DNAH3: variants seen among roughly 807,000 people sequenced by gnomAD.
DNAH3 encodes the protein axonemal beta dynein heavy chain 3.
DNAH3 carries 332 observed loss-of-function variants against 432.5 expected under a neutral mutation model. That is an observed-to-expected ratio of 0.77 (90% CI 0.70 to 0.84). The LOEUF is 0.84. Among genes scored for constraint, DNAH3 ranks in the 40% least tolerant of loss-of-function variants. The pLI is 0.00. For missense variants in DNAH3, 4,861 were observed against 5,114.0 expected (o/e 0.95, Z 1.51); for synonymous variants, 1,956 against 1,900.2 (o/e 1.03, Z -0.76).
At chr16:21,002,444 G>GTTGTTATTATTA (rs1379704010) in intron 42 of DNAH3, among the ~76,000 whole-genome samples, 50 of 146,896 alleles carry the variant, frequency 3.4e-4, no homozygotes, top group African/African-American at 1.2e-3. Context: ...ATCTGGTGTT[G>GTTGTTATTATTA]TTATTATTAT....
intron 53 of DNAH3, among the ~76,000 whole-genome samples, chr16:20,961,597 G>C (rs1325220566): frequency 1.3e-5 from 2 of 151,868 alleles, no homozygotes; most frequent in Non-Finnish European, 2.9e-5. Context: ...ATATCCTTAT[G>C]AGAAGAGGAG....
At chr16:21,102,641 T>C (rs1479521954) in intron 16 of DNAH3, among the ~76,000 whole-genome samples, 1 of 152,020 alleles carries the variant, frequency 6.6e-6, no homozygotes, top group Non-Finnish European at 1.5e-5. Flanking sequence ...AAAAAGTGAT[T>C]TTGCCACCCA....
At chr16:21,031,248 T>C (rs766735017) in exon 37 of DNAH3, 1 of 1,614,160 alleles carries the variant, frequency 6.2e-7, no homozygotes, top group Admixed American at 1.7e-5. Flanking sequence ...TTGGGGTTGA[T>C]GATCTTGTAC....
chr16:21,004,517 G>A (rs376052570), intron 41 of DNAH3, among the ~76,000 whole-genome samples: 5 of 152,084 alleles, frequency 3.3e-5, no homozygotes, highest in East Asian at 3.9e-4. Context: ...ACAGGCACTC[G>A]CCACCACGCC....
intron 53 of DNAH3, among the ~76,000 whole-genome samples, chr16:20,959,653 AC>A (rs2084731747): frequency 7.1e-6 from 1 of 141,788 alleles, no homozygotes; most frequent in East Asian, 2.1e-4. Context: ...ACACACACAC[AC>A]ACCCCAACAC....
chr16:20,984,863 T>TA (rs138067386), intron 48 of DNAH3, among the ~76,000 whole-genome samples, 186 bp downstream of exon 48: 63 of 149,850 alleles, frequency 4.2e-4, no homozygotes, highest in East Asian at 1.4e-3. Flanking sequence ...AGACTGTCTT[T>TA]AAAAAAAAAA....
intron 41 of DNAH3, among the ~76,000 whole-genome samples, chr16:21,011,140 G>A (rs1218199689): frequency 6.6e-6 from 1 of 152,054 alleles, no homozygotes; most frequent in Non-Finnish European, 1.5e-5. Context: ...CTCTCTAGCT[G>A]CAGAAGGAAA....
rs147344203 is a variant in DNAH3, at chr16:21,149,990, C to T, written c.118-3902G>A. 9.4e-4 allele frequency among the ~76,000 whole-genome samples: 143 copies of T among 152,234 alleles called. 1 individual carries two copies. The highest frequency in any genetic ancestry group is 3.9e-3 in the South Asian group (19 of 4,820). Reference sequence around the variant, plus strand: ...CCTGTAATCCCAGCACTTTGGGAGGCTGAGGCAGGCGGATCTCCTGAGATC... The same window carrying T: ...CCTGTAATCCCAGCACTTTGGGAGGTTGAGGCAGGCGGATCTCCTGAGATC... On this transcript the variant is annotated intron_variant, in intron 1 of 61. Transcript: ENST00000261383.
At chr16:21,072,834 T>G (rs964893094) in intron 21 of DNAH3, among the ~76,000 whole-genome samples, 1 of 147,650 alleles carries the variant, frequency 6.8e-6, no homozygotes, top group East Asian at 1.9e-4. Flanking sequence ...ATTATTATTA[T>G]TATTATTACT....
intron 7 of DNAH3, among the ~76,000 whole-genome samples, chr16:21,131,117 T>A (rs917278951): frequency 2.0e-5 from 3 of 151,666 alleles, no homozygotes; most frequent in Non-Finnish European, 4.4e-5. Flanking sequence ...AAGGAGGAAT[T>A]CTTAAAGCCA....
intron 1 of DNAH3, among the ~76,000 whole-genome samples, chr16:21,149,185 C>T (rs533015515): frequency 2.7e-5 from 4 of 149,566 alleles, no homozygotes; most frequent in East Asian, 4.0e-4. Context: ...GTGAAGATCA[C>T]GCCACTGCAC....
chr16:21,155,852 T>C (rs1747779907), intron 1 of DNAH3, among the ~76,000 whole-genome samples: 1 of 152,152 alleles, frequency 6.6e-6, no homozygotes, highest in African/African-American at 2.4e-5. Flanking sequence ...AATCTGTTGC[T>C]AAAAAAATTT....
exon 7 of DNAH3, chr16:21,134,359 G>A (rs376282549): frequency 1.1e-5 from 18 of 1,614,170 alleles, no homozygotes; most frequent in Non-Finnish European, 1.5e-5. Flanking sequence ...CTGTGCCAGG[G>A]CACAGGGGCC....
chr16:21,103,107 C>G (rs2091873480), intron 16 of DNAH3, among the ~76,000 whole-genome samples: 1 of 151,948 alleles, frequency 6.6e-6, no homozygotes, highest in African/African-American at 2.4e-5. Context: ...TAAGTGGGAG[C>G]TAAGCTATGA....
chr16:21,097,621 G>T, intron 17 of DNAH3, 122 bp from the exon 18 acceptor site: 2 of 1,203,026 alleles, frequency 1.7e-6, no homozygotes, highest in Non-Finnish European at 2.4e-6. Context: ...TTCATCTGGA[G>T]AGTAAGAGAG....
chr16:21,138,519 A>C (rs116275431), intron 5 of DNAH3, among the ~76,000 whole-genome samples: 2,332 of 152,264 alleles, frequency 0.015, 60 homozygotes, highest in African/African-American at 0.052. Context: ...GCTCTTAAGA[A>C]CACAGAGACT....
At chr16:20,965,175 G>C (rs1045322104) in exon 53 of DNAH3, 28 of 1,614,000 alleles carry the variant, frequency 1.7e-5, no homozygotes, top group Non-Finnish European at 2.1e-5. Flanking sequence ...GCTCCCGTTT[G>C]GGAGCCACCA....
At chr16:21,147,553 A>T (rs1217752839) in intron 1 of DNAH3, among the ~76,000 whole-genome samples, 1 of 152,208 alleles carries the variant, frequency 6.6e-6, no homozygotes, top group African/African-American at 2.4e-5. Context: ...TTCCAAAGAG[A>T]AATTCACTCA....
In DNAH3 at chr16:21,041,875, A is replaced by G. The variant is rs142096826; in HGVS notation, c.4638+152T>C. On this transcript the variant is annotated intron_variant, in intron 32 of 61. Coordinates refer to ENST00000261383, the Ensembl canonical transcript of DNAH3. ...TTTAGTAGAGATGGGGTTTCACCACATTGGACAGGCTGATCTCGAGCTCCT... is the reference window on the plus strand; with the variant it reads ...TTTAGTAGAGATGGGGTTTCACCACGTTGGACAGGCTGATCTCGAGCTCCT... The G allele has an allele frequency of 1.5e-3, 1,228 of 825,116 alleles. 12 individuals carry two copies. In the African/African-American group the frequency reaches 0.019, roughly 13 times the overall value. 51.1% of individuals were successfully genotyped at this position (825,116 alleles called of 1,614,324 possible). A position where few individuals can be genotyped will look rare whatever the true frequency, so the allele number is the denominator to read the frequency against.
Sources: allele counts gnomAD v4.1 joint callset (sites outside exome capture counted in the v4.1 genomes callset), GRCh38; gene constraint gnomAD v4.1.1; transcripts MANE v1.5; gene names NCBI Gene and HGNC (gene_info 2026-07-23, HGNC 2026-07-21).